GPR149: variants seen among roughly 807,000 people sequenced by gnomAD.
GPR149 encodes the protein probable G protein-coupled receptor 149.
A neutral mutation model predicts 50.2 loss-of-function variants in GPR149; 50 were observed. The observed-to-expected ratio is 1.00, with a 90% CI of 0.79 to 1.26. The LOEUF (loss-of-function observed/expected upper bound fraction) is 1.26, where lower values mean the gene tolerates loss of function less well. GPR149 is among the 50% of genes most tolerant of loss of function. The pLI, the probability that GPR149 is intolerant of heterozygous loss-of-function variation, is 0.00. For synonymous variants in GPR149, 405 were observed against 358.2 expected (o/e 1.13, Z -1.48); for missense variants, 983 against 895.4 (o/e 1.10, Z -1.25).
rs59548893 is a variant in GPR149, at chr3:154,384,199, G to A, written c.1623+36840C>T. On this transcript the variant is annotated intron_variant, in intron 3 of 3. Coordinates refer to ENST00000389740, the MANE Select transcript of GPR149 (RefSeq NM_001038705.3). Reference sequence around the variant, plus strand: ...CTGTGAAGATTAAAAAGCCCCAGGCGTTTACATAAAGCCTCGGGTGAGATC... The same window carrying A: ...CTGTGAAGATTAAAAAGCCCCAGGCATTTACATAAAGCCTCGGGTGAGATC... Among the ~76,000 whole-genome samples, 315 of 152,208 alleles carry A rather than the reference G, an allele frequency of 2.1e-3. 1 individual carries two copies. Among genetic ancestry groups the A allele is most frequent in the African/African-American group, 7.1e-3 (294 of 41,520 alleles).
chr3:154,366,334 T>G lies in GPR149; in HGVS notation c.1624-28063A>C, dbSNP rs575477499. ...CTCTGGTACAGCATTACATGACAGA[T>G]AGCAGACCCTGAAGGAAATCAAAAT... On this transcript the variant is annotated intron_variant, in intron 3 of 3. Transcript: ENST00000389740. Among the ~76,000 whole-genome samples the G allele has an allele frequency of 4.6e-5, 7 of 152,316 alleles. No homozygotes were observed. The South Asian group carries it at 1.2e-3, about 27-fold the overall frequency.
chr3:154,426,841 G>T (rs1474114018), intron 2 of GPR149, among the ~76,000 whole-genome samples: 1 of 149,124 alleles, frequency 6.7e-6, no homozygotes, highest in African/African-American at 2.5e-5. Flanking sequence ...TAAACTGAGG[G>T]TTTTGTTTGT....
intron 3 of GPR149, among the ~76,000 whole-genome samples, chr3:154,409,786 T>C (rs1711786440): frequency 6.6e-6 from 1 of 152,148 alleles, no homozygotes; most frequent in South Asian, 2.1e-4. Flanking sequence ...AAGAGAAATC[T>C]GAAAGTTTGA....
At chr3:154,380,170 GAGAGA>G (rs1714886089) in intron 3 of GPR149, among the ~76,000 whole-genome samples, 1 of 18,520 alleles carries the variant, frequency 5.4e-5, no homozygotes, top group East Asian at 1.8e-3. Context: ...GAGAGACAGA[GAGAGA>G]GAGAGAGAGA....
chr3:154,403,235 G>A (rs1419271969), intron 3 of GPR149, among the ~76,000 whole-genome samples: 3 of 152,116 alleles, frequency 2.0e-5, no homozygotes, highest in Non-Finnish European at 4.4e-5. Flanking sequence ...GCATCTGAAA[G>A]CATTTTTTAC....
At chr3:154,366,116 C>A (rs1333728395) in intron 3 of GPR149, among the ~76,000 whole-genome samples, 1 of 152,082 alleles carries the variant, frequency 6.6e-6, no homozygotes, top group Non-Finnish European at 1.5e-5. Flanking sequence ...ATGACTGGAC[C>A]CTCTTTGGGC....
intron 3 of GPR149, chr3:154,352,976 G>A: frequency 1.9e-6 from 2 of 1,066,034 alleles, no homozygotes; most frequent in South Asian, 2.5e-5. Context: ...CTTCAGGAAT[G>A]TGCAAACTAT....
In GPR149 at chr3:154,377,946, T is replaced by C. The variant is rs111802927; in HGVS notation, c.1624-39675A>G. On this transcript the variant is annotated intron_variant, in intron 3 of 3. Coordinates refer to ENST00000389740, the MANE Select transcript of GPR149 (RefSeq NM_001038705.3). ...TTTATGGACATTTATATAAAAGAAATCACACAATATGTAGTTTTTTGGGTC... is the reference window on the plus strand; with the variant it reads ...TTTATGGACATTTATATAAAAGAAACCACACAATATGTAGTTTTTTGGGTC... Among the ~76,000 whole-genome samples, 584 of 152,272 alleles carry C rather than the reference T, an allele frequency of 3.8e-3. 3 individuals are homozygous for C. The highest frequency in any genetic ancestry group is 0.014 in the African/African-American group (565 of 41,576).
chr3:154,423,023 T>C (rs2108430607), intron 2 of GPR149, among the ~76,000 whole-genome samples: 1 of 152,042 alleles, frequency 6.6e-6, no homozygotes, highest in East Asian at 1.9e-4. Context: ...TGTCTATGAC[T>C]ATAATTTTAT....
intron 3 of GPR149, among the ~76,000 whole-genome samples, chr3:154,363,824 T>C (rs1342556308): frequency 2.0e-5 from 3 of 152,202 alleles, no homozygotes; most frequent in Admixed American, 6.5e-5. Context: ...TTTAAGCCCA[T>C]AAAAACCCCA....
In GPR149 at chr3:154,427,645, G is replaced by C; in HGVS notation, c.1045C>G (p.Leu349Val). The change falls in exon 2 of 4, where the codon CTA (leucine) becomes GTA (valine). Residue 349 changes from leucine (L) to valine (V), a missense_variant. Coordinates refer to ENST00000389740, the MANE Select transcript of GPR149 (RefSeq NM_001038705.3). ...QSLPLETFSFLLTLLATTVTP... is the reference protein window; with the variant it reads ...QSLPLETFSFVLTLLATTVTP... ...ACAGTGGTGGCCAGCAGGGTAAGTAGAAAGCTGAATGTCTCCAAGGGAAGG... is the reference window on the plus strand; with the variant it reads ...ACAGTGGTGGCCAGCAGGGTAAGTACAAAGCTGAATGTCTCCAAGGGAAGG... 1.2e-6 allele frequency: 2 copies of C among 1,614,240 alleles called. No individual in the cohort carries two copies.
At position 154,429,243 on chromosome 3, in the gene GPR149, G is replaced by C. The variant is rs1712413936; in HGVS notation, c.373C>G (p.Leu125Val). The change falls in exon 1 of 4, where the codon CTC (leucine) becomes GTC (valine). Residue 125 changes from leucine to valine, a missense_variant. Physicochemically the swap from Leu to Val is conservative, Grantham distance 32. Transcript: ENST00000389740. Reference protein sequence around the residue: ...QGLSSNLKATLLVSYNFYTMH... With the variant: ...QGLSSNLKATVLVSYNFYTMH... ...GTATAAAAGTTGTAAGAGACTAGGA[G>C]AGTCGCCTTCAAGTTGCTAGAGAGG... is the stretch of plus-strand genomic sequence containing the variant. 3 of 1,614,094 alleles carry C rather than the reference G, an allele frequency of 1.9e-6. No individual in the cohort carries two copies. Among genetic ancestry groups the C allele is most frequent in the Admixed American group, 3.3e-5 (2 of 60,008 alleles).
intron 3 of GPR149, among the ~76,000 whole-genome samples, chr3:154,378,013 G>T (rs1432653171): frequency 6.6e-6 from 1 of 151,268 alleles, no homozygotes; most frequent in Non-Finnish European, 1.5e-5. Context: ...AGTTTTTCAT[G>T]TGGTAGGATG....
chr3:154,428,143 C>T (rs1423536897), intron 1 of GPR149, among the ~76,000 whole-genome samples: 1 of 152,186 alleles, frequency 6.6e-6, no homozygotes, highest in African/African-American at 2.4e-5. Flanking sequence ...GAAGGAGGAA[C>T]AAAAGCCTGT....
At chr3:154,420,411 G>A (rs1712105580) in intron 3 of GPR149, among the ~76,000 whole-genome samples, 1 of 151,950 alleles carries the variant, frequency 6.6e-6, no homozygotes, top group African/African-American at 2.4e-5. Context: ...AGAAATTCAT[G>A]TGCAAATTCT....
chr3:154,353,628 C>T, intron 3 of GPR149: 1 of 1,349,320 alleles, frequency 7.4e-7, no homozygotes, highest in Non-Finnish European at 1.1e-6. Flanking sequence ...GCTGAGTTTC[C>T]TAGTTTTATC....
intron 3 of GPR149, among the ~76,000 whole-genome samples, chr3:154,402,801 G>A (rs1711580401): frequency 6.6e-6 from 1 of 152,170 alleles, no homozygotes; most frequent in Non-Finnish European, 1.5e-5. Flanking sequence ...ATACATGCCT[G>A]TGTGGAACTT....
intron 3 of GPR149, among the ~76,000 whole-genome samples, chr3:154,386,318 A>C (rs2108409454): frequency 6.6e-6 from 1 of 152,322 alleles, no homozygotes; most frequent in African/African-American, 2.4e-5. Flanking sequence ...AAAGAGCTAC[A>C]CATCATTTCT....
rs936407155 is a variant in GPR149 at position 154,422,499 on chromosome 3, T to C, written c.1175-1012A>G. Among the ~76,000 whole-genome samples, 8 of 151,824 alleles carry C rather than the reference T, an allele frequency of 5.3e-5. No homozygotes were observed. In the East Asian group the frequency reaches 1.5e-3, roughly 29 times the overall value. On this transcript the variant is annotated intron_variant, in intron 2 of 3. Transcript: ENST00000389740. ...TGTTTTATACTGAGACATTTAGCTA[T>C]CTTCGATAGAAAAAAATGTATGAAA...
Sources: allele counts gnomAD v4.1 joint callset (sites outside exome capture counted in the v4.1 genomes callset), GRCh38; gene constraint gnomAD v4.1.1; transcripts MANE v1.5; gene names NCBI Gene and HGNC (gene_info 2026-07-23, HGNC 2026-07-21).